Variants in NALCN observed in about 807,000 individuals in gnomAD.
The protein encoded by NALCN is sodium leak channel, non-selective.
In NALCN, 111 loss-of-function variants were observed where a neutral mutation model predicts 225.3. That is an observed-to-expected ratio of 0.49 (90% CI 0.42 to 0.58). NALCN has a LOEUF of 0.58. Among genes scored for constraint, NALCN ranks in the 20% least tolerant of loss-of-function variants. The pLI, the probability that NALCN is intolerant of heterozygous loss-of-function variation, is 0.00. For synonymous variants in NALCN, 764 were observed against 769.0 expected (o/e 0.99, Z 0.11); for missense variants, 1,378 against 2,202.4 (o/e 0.63, Z 7.49).
At chr13:101,328,943 C>T (rs1462595251) in intron 7 of NALCN, among the ~76,000 whole-genome samples, 1 of 152,158 alleles carries the variant, frequency 6.6e-6, no homozygotes, top group East Asian at 1.9e-4. Flanking sequence ...ATAATCATCA[C>T]TGAGCCCTGT....
chr13:101,268,520 T>C (rs2042670700), intron 10 of NALCN, among the ~76,000 whole-genome samples: 1 of 152,186 alleles, frequency 6.6e-6, no homozygotes, highest in African/African-American at 2.4e-5. Flanking sequence ...TTAGCTTTGT[T>C]ACTCTAGTCT....
intron 18 of NALCN, among the ~76,000 whole-genome samples, chr13:101,121,795 T>C (rs999913157): frequency 1.3e-5 from 2 of 152,174 alleles, no homozygotes; most frequent in Non-Finnish European, 2.9e-5. Context: ...TCCAGGAACC[T>C]TGGCAGAGTT....
chr13:101,271,207 A>T (rs2042764903), intron 10 of NALCN, among the ~76,000 whole-genome samples: 1 of 152,072 alleles, frequency 6.6e-6, no homozygotes, highest in Non-Finnish European at 1.5e-5. Context: ...TAAAAATAAC[A>T]CTGATATTTT....
intron 6 of NALCN, among the ~76,000 whole-genome samples, chr13:101,348,678 T>C (rs1028894971): frequency 5.3e-5 from 8 of 152,140 alleles, no homozygotes; most frequent in Non-Finnish European, 1.0e-4. Context: ...TTCTTTCATA[T>C]TAGTGCTGAT....
chr13:101,357,536 G>A (rs146898230), intron 6 of NALCN, among the ~76,000 whole-genome samples: 4,913 of 152,106 alleles, frequency 0.032, 272 homozygotes, highest in African/African-American at 0.11. Flanking sequence ...AATAAGAGAC[G>A]ACACAAACAA....
intron 13 of NALCN, among the ~76,000 whole-genome samples, 194 bp downstream of exon 13, chr13:101,229,199 G>C (rs2041255195): frequency 6.6e-6 from 1 of 152,032 alleles, no homozygotes; most frequent in South Asian, 2.1e-4. Flanking sequence ...TATATAATCT[G>C]ACAATGCTGA....
intron 13 of NALCN, among the ~76,000 whole-genome samples, chr13:101,203,789 A>G (rs1342024903): frequency 6.6e-6 from 1 of 152,168 alleles, no homozygotes; most frequent in East Asian, 1.9e-4. Context: ...TTTTTTTACA[A>G]TATACTTTCC....
intron 11 of NALCN, among the ~76,000 whole-genome samples, chr13:101,255,712 A>C (rs2042208853): frequency 6.6e-6 from 1 of 152,094 alleles, no homozygotes; most frequent in South Asian, 2.1e-4. Flanking sequence ...TCCTACGTTA[A>C]ATAATGTCCT....
intron 15 of NALCN, among the ~76,000 whole-genome samples, chr13:101,168,625 C>A (rs1250336858): frequency 6.6e-6 from 1 of 152,156 alleles, no homozygotes; most frequent in South Asian, 2.1e-4. Flanking sequence ...GCTGCCATCA[C>A]CACTTGCCTC....
rs1165525046 is a variant in NALCN at position 101,279,876 on chromosome 13, T to TAAATAAAA, written c.1134+4056_1134+4057insTTTTATTT. ...ATAAATAAATAAATAAATAAATAAA[T>TAAATAAAA]AAAAAGAAGTGGTATATGCTCCTGT... is the stretch of plus-strand genomic sequence containing the variant. On this transcript the variant is annotated intron_variant, in intron 10 of 43. Coordinates refer to ENST00000251127, the MANE Select transcript of NALCN (RefSeq NM_052867.4). Among the ~76,000 whole-genome samples, 1,059 of 148,904 alleles carry TAAATAAAA rather than the reference T, an allele frequency of 7.1e-3. 11 individuals are homozygous for TAAATAAAA. Among genetic ancestry groups the TAAATAAAA allele is most frequent in the Middle Eastern group, 0.028 (8 of 282 alleles).
At chr13:101,133,936 G>A (rs1348037391) in intron 17 of NALCN, among the ~76,000 whole-genome samples, 1 of 152,126 alleles carries the variant, frequency 6.6e-6, no homozygotes, top group Non-Finnish European at 1.5e-5. Context: ...TTGGGAGGCC[G>A]AGGTGGGTGG....
chr13:101,183,398 C>T (rs1362906999), intron 14 of NALCN, among the ~76,000 whole-genome samples: 1 of 152,170 alleles, frequency 6.6e-6, no homozygotes, highest in Non-Finnish European at 1.5e-5. Flanking sequence ...CTAAATTATG[C>T]AACTAATTTG....
intron 3 of NALCN, among the ~76,000 whole-genome samples, chr13:101,389,986 G>A (rs972886923): frequency 9.8e-5 from 15 of 152,300 alleles, no homozygotes; most frequent in Middle Eastern, 3.4e-3. Flanking sequence ...GGAGGCTGAG[G>A]CAGGAGAATT....
intron 1 of NALCN, among the ~76,000 whole-genome samples, chr13:101,400,095 A>T (rs1192528161): frequency 6.6e-6 from 1 of 151,914 alleles, no homozygotes; most frequent in Non-Finnish European, 1.5e-5. Context: ...GGCATATACT[A>T]TGTTTGGGAC....
chr13:101,090,342 T>C (rs1206155255), intron 28 of NALCN, among the ~76,000 whole-genome samples: 3 of 152,214 alleles, frequency 2.0e-5, no homozygotes, highest in Non-Finnish European at 4.4e-5. Context: ...TTTATCGATT[T>C]GCACAAAGAA....
intron 14 of NALCN, among the ~76,000 whole-genome samples, chr13:101,188,386 C>A (rs867979014): frequency 6.6e-6 from 1 of 152,012 alleles, no homozygotes; most frequent in Admixed American, 6.6e-5. Flanking sequence ...TTGGCCCCAG[C>A]ATGGACTTAT....
chr13:101,161,057 C>T (rs2038159343), intron 15 of NALCN, among the ~76,000 whole-genome samples: 1 of 152,232 alleles, frequency 6.6e-6, no homozygotes, highest in Admixed American at 6.5e-5. Flanking sequence ...TATACAATCT[C>T]ATCCAGATTT....
At chr13:101,206,616 T>C (rs528539446) in intron 13 of NALCN, among the ~76,000 whole-genome samples, 1 of 151,774 alleles carries the variant, frequency 6.6e-6, no homozygotes, top group African/African-American at 2.4e-5. Flanking sequence ...AGGTTTTATA[T>C]CTATTTGTTT....
At chr13:101,137,969 T>A (rs2036882592) in intron 17 of NALCN, among the ~76,000 whole-genome samples, 2 of 152,212 alleles carry the variant, frequency 1.3e-5, no homozygotes, top group Non-Finnish European at 1.5e-5. Flanking sequence ...CACCACTTAA[T>A]CACTCTTCTA....
Sources: allele counts gnomAD v4.1 joint callset (sites outside exome capture counted in the v4.1 genomes callset), GRCh38; gene constraint gnomAD v4.1.1; transcripts MANE v1.5; gene names NCBI Gene and HGNC (gene_info 2026-07-23, HGNC 2026-07-21).